Variants in DBF4B observed in about 807,000 individuals in gnomAD.
DBF4B encodes protein DBF4 homolog B.
DBF4B carries 49 observed loss-of-function variants against 53.4 expected under a neutral mutation model. That is an observed-to-expected ratio of 0.92 (90% confidence interval 0.73 to 1.16). The LOEUF (loss-of-function observed/expected upper bound fraction) is 1.16. Ranked by LOEUF, DBF4B falls within the 50% of genes most tolerant of loss-of-function variation. DBF4B has a pLI of 0.00. For synonymous variants in DBF4B, 257 were observed against 288.7 expected, an observed-to-expected ratio of 0.89 and a Z score of 1.11; for missense variants, 692 against 775.0, an observed-to-expected ratio of 0.89 and a Z score of 1.27.
chr17:44,716,928 T>A (rs1020737113), intron 2 of DBF4B, among the ~76,000 whole-genome samples: 1 of 152,152 alleles, frequency 6.6e-6, no homozygotes, highest in Non-Finnish European at 1.5e-5. Flanking sequence ...CCCATCTAAT[T>A]TCCAGCGTCC....
Position 44,749,600 on chromosome 17 carries a change from C to A in DBF4B, c.1190-995C>A. ...TGGGCTGGGGGCTGCCCTCTCCTAC[C>A]CCTGCCTCCTGCCATGTTCCTGACC... On this transcript the variant is annotated intron_variant, in intron 13 of 13. Transcript: ENST00000315005. This position sits in a 1 kb window ranked among gnomAD's most constrained non-coding sequence, Gnocchi z 4.4. The A allele has an allele frequency of 8.4e-7, 1 of 1,190,762 alleles. No homozygotes were observed. Among genetic ancestry groups the A allele is most frequent in the Non-Finnish European group, 1.1e-6 (1 of 942,118 alleles). The allele number at this position is 1,190,762 out of a possible 1,614,324, so 73.8% of individuals were successfully genotyped here.
In DBF4B at chr17:44,751,343, C is replaced by T; in HGVS notation, c.*90C>T. ...TCCCGCAGTGGCTCCTTGGCGTGAG[C>T]ACTGCTCAGACTCCTTTCCACTCCA... is the stretch of plus-strand genomic sequence containing the variant. On this transcript the variant is annotated 3_prime_UTR_variant, in exon 14 of 14. Transcript: ENST00000315005. 6.7e-7 allele frequency: 1 copy of T among 1,497,182 alleles called. No individual in the cohort carries two copies. Among genetic ancestry groups the T allele is most frequent in the Non-Finnish European group, 8.9e-7 (1 of 1,127,310 alleles). 92.7% of individuals were successfully genotyped at this position (1,497,182 alleles called of 1,614,324 possible). A position where few individuals can be genotyped will look rare whatever the true frequency, so the allele number is the denominator to read the frequency against.
intron 10 of DBF4B, among the ~76,000 whole-genome samples, chr17:44,743,723 C>G (rs1259516955): frequency 1.3e-5 from 2 of 151,328 alleles, no homozygotes; most frequent in African/African-American, 4.9e-5. Context: ...CGATTCTCCT[C>G]CCTCAGCCTC....
At chr17:44,711,225 C>A (rs1277147899) in intron 2 of DBF4B, among the ~76,000 whole-genome samples, 1 of 152,000 alleles carries the variant, frequency 6.6e-6, no homozygotes, top group Non-Finnish European at 1.5e-5. Flanking sequence ...ACCTCATGAT[C>A]CACCTGCTTC....
intron 2 of DBF4B, among the ~76,000 whole-genome samples, chr17:44,721,799 T>G (rs1973872083): frequency 6.6e-6 from 1 of 151,022 alleles, no homozygotes; most frequent in African/African-American, 2.4e-5. Context: ...CTATCTCGTG[T>G]GTCCCTCCGC....
intron 6 of DBF4B, chr17:44,732,690 A>G (rs1288730400): frequency 6.3e-6 from 1 of 159,098 alleles, no homozygotes; most frequent in Non-Finnish European, 1.4e-5. Flanking sequence ...ACGTGGTGAA[A>G]CCCCGTCTCT....
chr17:44,723,211 A>G (rs999518026), intron 3 of DBF4B, among the ~76,000 whole-genome samples, 189 bp downstream of exon 3: 2 of 152,116 alleles, frequency 1.3e-5, no homozygotes, highest in Admixed American at 6.5e-5. Flanking sequence ...GGTTCAAGCA[A>G]TTCTCCTGCC....
In DBF4B at chr17:44,749,031, C is replaced by T. The variant is rs751284140; in HGVS notation, c.1189+566C>T. On this transcript the variant is annotated intron_variant, in intron 13 of 13. Coordinates refer to ENST00000315005, the MANE Select transcript of DBF4B (RefSeq NM_145663.3). The surrounding 1 kb of genome is among the most constrained non-coding windows in gnomAD (Gnocchi z 4.4). ...AGGATTCTGAGTGTACAGCCACTGGCCCTGTATCCCAGGAGGCTGGCCAGC... is the reference window on the plus strand; with the variant it reads ...AGGATTCTGAGTGTACAGCCACTGGTCCTGTATCCCAGGAGGCTGGCCAGC... 1 of 1,289,868 alleles carries T rather than the reference C, an allele frequency of 7.8e-7. No individual in the cohort carries two copies. Among genetic ancestry groups the T allele is most frequent in the South Asian group, 1.2e-5 (1 of 81,036 alleles). The allele number at this position is 1,289,868 out of a possible 1,614,324, so 79.9% of individuals were successfully genotyped here. A position where few individuals can be genotyped will look rare whatever the true frequency, so the allele number is the denominator to read the frequency against.
At chr17:44,723,179 T>C (rs111847254) in intron 3 of DBF4B, among the ~76,000 whole-genome samples, 157 bp downstream of exon 3, 1 of 152,196 alleles carries the variant, frequency 6.6e-6, no homozygotes, top group Non-Finnish European at 1.5e-5. Flanking sequence ...TGATCTCAGC[T>C]CACTGCAACC....
chr17:44,710,311 T>TC (rs574154227), intron 2 of DBF4B, among the ~76,000 whole-genome samples: 3 of 152,182 alleles, frequency 2.0e-5, no homozygotes, highest in African/African-American at 7.2e-5. Context: ...TGGTTTTTTT[T>TC]CCCCCTTCTG....
intron 9 of DBF4B, among the ~76,000 whole-genome samples, chr17:44,740,034 T>C (rs530705991): frequency 6.6e-6 from 1 of 152,316 alleles, no homozygotes; most frequent in East Asian, 1.9e-4. Flanking sequence ...AGTGCTGGAA[T>C]TACAGGTGGG....
intron 11 of DBF4B, 58 bp downstream of exon 11, chr17:44,747,249 C>T: frequency 6.2e-7 from 1 of 1,601,840 alleles, no homozygotes; most frequent in Non-Finnish European, 8.5e-7. Context: ...AGCCTGCTCA[C>T]TGGGGATGAG....
In DBF4B at chr17:44,751,731, C is replaced by CT. The variant is rs1305349344; in HGVS notation, c.*480dup. ...TTCACCTCCTTCCCTTCCACACTTCCTTCCTGGGTAGCTCTGCCTGAAGCA... is the reference window on the plus strand; with the variant it reads ...TTCACCTCCTTCCCTTCCACACTTCCTTTCCTGGGTAGCTCTGCCTGAAGCA... On this transcript the variant is annotated 3_prime_UTR_variant, in exon 14 of 14. Transcript: ENST00000315005. The CT allele has an allele frequency of 1.4e-6, 2 of 1,450,688 alleles. No individual in the cohort carries two copies. The highest frequency in any genetic ancestry group is 2.8e-5 in the African/African-American group (2 of 70,650). 89.9% of individuals were successfully genotyped at this position (1,450,688 alleles called of 1,614,324 possible).
At chr17:44,741,943 TTTAA>T (rs910940290) in intron 10 of DBF4B, among the ~76,000 whole-genome samples, 4 of 152,104 alleles carry the variant, frequency 2.6e-5, no homozygotes, top group Non-Finnish European at 5.9e-5. Context: ...CTGGGGTCTC[TTTAA>T]TTAAAAATAC....
intron 3 of DBF4B, among the ~76,000 whole-genome samples, chr17:44,723,959 A>C (rs1447498766): frequency 1.3e-5 from 2 of 152,020 alleles, no homozygotes; most frequent in African/African-American, 2.4e-5. Flanking sequence ...AACATACAAA[A>C]AATTAAGCGG....
intron 9 of DBF4B, among the ~76,000 whole-genome samples, chr17:44,739,155 A>T (rs1421557845): frequency 1.3e-5 from 2 of 152,218 alleles, no homozygotes; most frequent in Non-Finnish European, 2.9e-5. Context: ...TCCCATGACA[A>T]TGTTAACCTA....
intron 2 of DBF4B, among the ~76,000 whole-genome samples, chr17:44,715,491 C>G (rs1375498941): frequency 1.3e-5 from 2 of 152,084 alleles, no homozygotes; most frequent in African/African-American, 4.8e-5. Flanking sequence ...GCCACCACAC[C>G]CGGCCAGTTT....
rs1341806740 is a variant in DBF4B at position 44,729,715 on chromosome 17, CA to C, written c.226-189del. Among the ~76,000 whole-genome samples the C allele has an allele frequency of 4.6e-5, 7 of 151,170 alleles. 1 individual carries two copies. Among genetic ancestry groups the C allele is most frequent in the Admixed American group, 2.0e-4 (3 of 15,164 alleles). On this transcript the variant is annotated intron_variant, in intron 3 of 13. Transcript: ENST00000315005. Reference sequence around the variant, plus strand: ...ACACACACACACACACACACACACACACACACACACACCCCATTAGATTTCA... The same window carrying C: ...ACACACACACACACACACACACACACCACACACACACCCCATTAGATTTCA...
chr17:44,740,890 C>T (rs1434006661), intron 9 of DBF4B, among the ~76,000 whole-genome samples: 1 of 152,114 alleles, frequency 6.6e-6, no homozygotes, highest in Non-Finnish European at 1.5e-5. Context: ...AATCCCAGCA[C>T]TTTGGGAGGC....
Sources: gnomAD v4.1 joint callset for allele counts (sites outside exome capture counted in the v4.1 genomes callset) on GRCh38, gnomAD v4.1.1 for gene constraint, Gnocchi (gnomAD v3.1) non-coding constraint, MANE v1.5 for transcripts, NCBI Gene and HGNC (gene_info 2026-07-23, HGNC 2026-07-21) for gene names.